The following DLG2 variants were observed in gnomAD, a reference collection of about 807,000 sequenced individuals.
DLG2 encodes the protein discs large MAGUK scaffold protein 2.
In DLG2, 45 loss-of-function variants were observed where a neutral mutation model predicts 132.5. The observed-to-expected ratio is 0.34, with a 90% CI of 0.27 to 0.44. The LOEUF (loss-of-function observed/expected upper bound fraction) is 0.44, where lower values mean the gene tolerates loss of function less well. Among genes scored for constraint, DLG2 ranks in the 20% least tolerant of loss-of-function variants. The pLI is 1.00. For missense variants in DLG2, 1,045 were observed against 1,196.9 expected, an observed-to-expected ratio of 0.87 and a Z score of 1.87; for synonymous variants, 424 against 419.6, an observed-to-expected ratio of 1.01 and a Z score of -0.13.
intron 6 of DLG2, among the ~76,000 whole-genome samples, chr11:85,045,700 G>A (rs544541304): frequency 6.6e-6 from 1 of 151,984 alleles, no homozygotes; most frequent in East Asian, 1.9e-4. Flanking sequence ...TAAAATAAAA[G>A]TAAAAAACAT....
rs2075985825 is a variant in DLG2 at position 83,667,990 on chromosome 11, A to AG, written c.1826-34666_1826-34665insC. Among the ~76,000 whole-genome samples, 4 of 147,944 alleles carry AG rather than the reference A, an allele frequency of 2.7e-5. 1 individual carries two copies. The South Asian group carries it at 6.4e-4, about 24-fold the overall frequency. Reference sequence around the variant, plus strand: ...GACTCCGTCTCAAAAAAAAAAAAAAAAAAAAAAGAAATTAAAGGAAGAGGG... The same window carrying AG: ...GACTCCGTCTCAAAAAAAAAAAAAAAGAAAAAAAGAAATTAAAGGAAGAGGG... On this transcript the variant is annotated intron_variant, in intron 18 of 27. Transcript: ENST00000376104.
At position 84,620,277 on chromosome 11, in the gene DLG2, T is replaced by C. The variant is rs114090019; in HGVS notation, c.358-85546A>G. Among the ~76,000 whole-genome samples the C allele has an allele frequency of 5.1e-3, 775 of 151,896 alleles. 7 individuals carry two copies. Among genetic ancestry groups the C allele is most frequent in the African/African-American group, 0.018 (741 of 41,512 alleles). ...TGTTGCTATGAGAAATATTTAGTTATTTGGAAAATAAGAATACAAAATAAT... is the reference window on the plus strand; with the variant it reads ...TGTTGCTATGAGAAATATTTAGTTACTTGGAAAATAAGAATACAAAATAAT... On this transcript the variant is annotated intron_variant, in intron 6 of 27. Coordinates refer to ENST00000376104, the MANE Select transcript of DLG2 (RefSeq NM_001142699.3).
At chr11:84,591,227 G>C (rs995008216) in intron 6 of DLG2, among the ~76,000 whole-genome samples, 4 of 148,550 alleles carry the variant, frequency 2.7e-5, no homozygotes, top group African/African-American at 5.1e-5. Context: ...GTCTCTCTGT[G>C]TGTGTGTGTG....
At chr11:85,124,987 T>C (rs1466824664) in intron 5 of DLG2, among the ~76,000 whole-genome samples, 1 of 152,086 alleles carries the variant, frequency 6.6e-6, no homozygotes, top group South Asian at 2.1e-4. Context: ...TCCGCCACCA[T>C]GCCAGGCTAA....
intron 9 of DLG2, among the ~76,000 whole-genome samples, chr11:84,149,287 T>C (rs889985342): frequency 6.6e-6 from 1 of 152,216 alleles, no homozygotes; most frequent in African/African-American, 2.4e-5. Context: ...CATAAATTCT[T>C]TGCCAATGCC....
At chr11:83,980,675 G>T in intron 11 of DLG2, 33 bp from the exon 12 acceptor site, 3 of 1,489,746 alleles carry the variant, frequency 2.0e-6, no homozygotes, top group Admixed American at 2.3e-5. Context: ...GGAAAGCCTT[G>T]TTTTGTTGTT....
chr11:85,217,407 T>C (rs115427650), intron 4 of DLG2, among the ~76,000 whole-genome samples: 118 of 151,952 alleles, frequency 7.8e-4, no homozygotes, highest in African/African-American at 2.7e-3. Flanking sequence ...AAATTCTGAA[T>C]TGCAAGTCTT....
At chr11:84,852,259 G>T (rs1438359877) in intron 6 of DLG2, among the ~76,000 whole-genome samples, 3 of 151,996 alleles carry the variant, frequency 2.0e-5, no homozygotes, top group Non-Finnish European at 4.4e-5. Context: ...TTTTCAAAAA[G>T]ATCCTTGGAT....
At chr11:83,791,362 C>G in intron 17 of DLG2, 1 of 677,450 alleles carries the variant, frequency 1.5e-6, no homozygotes, top group Non-Finnish European at 2.6e-6. Context: ...CAAGCTTTTG[C>G]TTTTTGATCT....
chr11:84,140,535 TC>T (rs1451273935), intron 9 of DLG2, among the ~76,000 whole-genome samples: 1 of 152,130 alleles, frequency 6.6e-6, no homozygotes, highest in African/African-American at 2.4e-5. Context: ...ATTCACGAGT[TC>T]CAAAAATGCT....
rs1459265125 is a variant in DLG2 at position 84,163,482 on chromosome 11, A to G, written c.603T>C (p.Phe201=). 3.1e-6 allele frequency: 5 copies of G among 1,607,240 alleles called. No individual in the cohort carries two copies. The highest frequency in any genetic ancestry group is 3.4e-6 in the Non-Finnish European group (4 of 1,177,632). ...TTACCCTCTCCAGTGTAATTTCTTC[A>G]AATTCATATTCAATTTCTGTCCCAT... is the stretch of plus-strand genomic sequence containing the variant. The part of the protein sequence containing the change: ...YVNGTEIEYE[F]EEITLERGNS... Residue 201 remains phenylalanine, a synonymous_variant, in exon 9 of 28, where the codon TTT becomes TTC. Coordinates refer to ENST00000376104, the MANE Select transcript of DLG2 (RefSeq NM_001142699.3).
chr11:85,343,221 A>C (rs1282660123), intron 3 of DLG2, among the ~76,000 whole-genome samples: 1 of 152,168 alleles, frequency 6.6e-6, no homozygotes, highest in East Asian at 1.9e-4. Flanking sequence ...TTAACCCAAC[A>C]CAATTCCATT....
At chr11:83,562,601 T>C (rs911500415) in intron 19 of DLG2, among the ~76,000 whole-genome samples, 1 of 152,244 alleles carries the variant, frequency 6.6e-6, no homozygotes. Context: ...AATGGTTGGA[T>C]TTTATTAGTT....
chr11:83,999,252 C>CT (rs1052212529), intron 11 of DLG2, among the ~76,000 whole-genome samples: 1 of 152,138 alleles, frequency 6.6e-6, no homozygotes, highest in African/African-American at 2.4e-5. Context: ...CCCAGTCTAT[C>CT]ACCATTGGTA....
chr11:84,866,993 T>G (rs1427684989), intron 6 of DLG2, among the ~76,000 whole-genome samples: 1 of 152,224 alleles, frequency 6.6e-6, no homozygotes, highest in Non-Finnish European at 1.5e-5. Context: ...CATTACATAG[T>G]AGGTAAGCAG....
chr11:84,719,554 C>T (rs898728168), intron 6 of DLG2, among the ~76,000 whole-genome samples: 3 of 152,124 alleles, frequency 2.0e-5, no homozygotes, highest in Non-Finnish European at 4.4e-5. Flanking sequence ...AGGAGTGCGT[C>T]GTCAGGTCCA....
chr11:84,535,031 T>A (rs1455628216), intron 6 of DLG2, among the ~76,000 whole-genome samples: 4 of 152,176 alleles, frequency 2.6e-5, no homozygotes, highest in Non-Finnish European at 1.5e-5. Flanking sequence ...TTTACTTTAT[T>A]CAAGTAAGTG....
intron 14 of DLG2, among the ~76,000 whole-genome samples, chr11:83,945,973 C>CCTTCCTTCCTTCCT (rs1338581440): frequency 7.0e-6 from 1 of 142,620 alleles, no homozygotes; most frequent in Non-Finnish European, 1.5e-5. Context: ...TTCCTTTTCT[C>CCTTCCTTCCTTCCT]TTTCTCTTTC....
intron 6 of DLG2, among the ~76,000 whole-genome samples, chr11:84,552,855 C>A (rs2099404560): frequency 6.6e-6 from 1 of 152,130 alleles, no homozygotes; most frequent in South Asian, 2.1e-4. Context: ...TATCACTCAC[C>A]CCTTTAAAAC....
Sources: allele counts gnomAD v4.1 joint callset (sites outside exome capture counted in the v4.1 genomes callset), GRCh38; gene constraint gnomAD v4.1.1; transcripts MANE v1.5; gene names NCBI Gene and HGNC (gene_info 2026-07-23, HGNC 2026-07-21).